MYO9A: variants seen among roughly 807,000 people sequenced by gnomAD.
MYO9A encodes the protein myosin IXA.
A neutral mutation model predicts 293.3 loss-of-function variants in MYO9A; 103 were observed. The ratio of observed to expected loss-of-function variants is 0.35; its 90% CI spans 0.30 to 0.41. MYO9A has a LOEUF of 0.41. Ranked by LOEUF, MYO9A falls within the 10% of genes least tolerant of loss-of-function variation. The pLI is 1.00. For synonymous variants in MYO9A, 1,001 were observed against 1,035.7 expected, an observed-to-expected ratio of 0.97 and a Z score of 0.64; for missense variants, 2,685 against 3,033.0, an observed-to-expected ratio of 0.89 and a Z score of 2.69.
chr15:72,027,667 T>C, intron 4 of MYO9A, 64 bp downstream of exon 4: 1 of 1,284,460 alleles, frequency 7.8e-7, no homozygotes, highest in Non-Finnish European at 1.1e-6. Flanking sequence ...CACAAAGACC[T>C]TAAAAGTCAG....
intron 13 of MYO9A, among the ~76,000 whole-genome samples, chr15:71,961,559 C>G (rs1402781489): frequency 6.6e-6 from 1 of 152,184 alleles, no homozygotes; most frequent in African/African-American, 2.4e-5. Flanking sequence ...TATTACTACT[C>G]TCATTTTATA....
At chr15:72,051,992 C>T (rs1231042327) in intron 1 of MYO9A, among the ~76,000 whole-genome samples, 1 of 152,176 alleles carries the variant, frequency 6.6e-6, no homozygotes, top group East Asian at 1.9e-4. Context: ...TCCAGGCTCA[C>T]CCATGGTTGT....
intron 14 of MYO9A, among the ~76,000 whole-genome samples, chr15:71,958,296 A>G (rs140140680): frequency 1.5e-3 from 221 of 152,210 alleles, no homozygotes; most frequent in African/African-American, 4.6e-3. Context: ...CATTTTTACA[A>G]TCTGTTAGTT....
intron 32 of MYO9A, among the ~76,000 whole-genome samples, chr15:71,872,477 A>G (rs1434632031): frequency 2.6e-5 from 4 of 152,172 alleles, no homozygotes; most frequent in Admixed American, 6.5e-5. Context: ...AGGACTTGCT[A>G]TGTTCCCAAC....
intron 1 of MYO9A, among the ~76,000 whole-genome samples, chr15:72,074,878 C>A (rs988948038): frequency 1.3e-5 from 2 of 149,630 alleles, no homozygotes; most frequent in African/African-American, 4.9e-5. Context: ...AGTTTAGTCC[C>A]TTTTTTGATC....
At chr15:72,105,752 C>T (rs1287421810) in intron 1 of MYO9A, among the ~76,000 whole-genome samples, 1 of 152,136 alleles carries the variant, frequency 6.6e-6, no homozygotes, top group African/African-American at 2.4e-5. Context: ...GGTGATCCAC[C>T]GGCCTCGGCC....
In MYO9A at chr15:71,899,771, T is replaced by C. The variant is rs779651602; in HGVS notation, c.3386A>G (p.Tyr1129Cys). 2.5e-6 allele frequency: 4 copies of C among 1,614,112 alleles called. No individual in the cohort carries two copies. Among genetic ancestry groups the C allele is most frequent in the South Asian group, 1.1e-5 (1 of 91,092 alleles). ...AICIQARWKA[Y>C]RESKRYQEQR... ...TTCTTGGTACCTTTTACTTTCCCTG[T>C]AGGCTTTCCATCTTGCTTGTATGCA... The change falls in exon 24 of 42, where the codon TAC becomes TGC. Residue 1129 changes from tyrosine to cysteine, a missense_variant. Physicochemically the swap from Tyr to Cys is radical, Grantham distance 194. Coordinates refer to ENST00000356056, the MANE Select transcript of MYO9A (RefSeq NM_006901.4).
At chr15:71,880,166 C>T (rs1198596740) in intron 29 of MYO9A, among the ~76,000 whole-genome samples, 169 bp downstream of exon 29, 1 of 152,186 alleles carries the variant, frequency 6.6e-6, no homozygotes, top group Non-Finnish European at 1.5e-5. Flanking sequence ...ATCCTGTCTA[C>T]CCAGTCTAAC....
At chr15:71,932,565 G>A (rs2058507709) in intron 18 of MYO9A, among the ~76,000 whole-genome samples, 1 of 151,394 alleles carries the variant, frequency 6.6e-6, no homozygotes, top group African/African-American at 2.4e-5. Context: ...ACTAGATGCA[G>A]CCTAGAGAGG....
intron 2 of MYO9A, 59 bp from the exon 3 acceptor site, chr15:72,032,647 G>T (rs1307432494): frequency 3.6e-6 from 4 of 1,125,990 alleles, no homozygotes; most frequent in Admixed American, 2.7e-5. Flanking sequence ...TTTTTTGGAG[G>T]GGGGATTAGG....
At position 72,062,531 on chromosome 15, in the gene MYO9A, G is replaced by A. The variant is rs539588545; in HGVS notation, c.-71-15897C>T. Among the ~76,000 whole-genome samples, 7 of 152,264 alleles carry A rather than the reference G, an allele frequency of 4.6e-5. No individual in the cohort carries two copies. In the East Asian group the frequency reaches 1.4e-3, roughly 29 times the overall value. ...ATTTTTAGAAATCAAACAGAAATTT[G>A]GGAGCTGAAAAATTCAACTGACAAT... On this transcript the variant is annotated intron_variant, in intron 1 of 41. Transcript: ENST00000356056.
intron 13 of MYO9A, among the ~76,000 whole-genome samples, 163 bp downstream of exon 13, chr15:71,967,821 A>T (rs1323982083): frequency 6.6e-6 from 1 of 152,202 alleles, no homozygotes; most frequent in Non-Finnish European, 1.5e-5. Flanking sequence ...CTAAGACAGT[A>T]ATGTGCTGAA....
At position 71,877,693 on chromosome 15, in the gene MYO9A, A is replaced by G. The variant is rs573643337; in HGVS notation, c.5931+347T>C. On this transcript the variant is annotated intron_variant, in intron 31 of 41. Coordinates refer to ENST00000356056, the MANE Select transcript of MYO9A (RefSeq NM_006901.4). ...GGCTGGTCTCGAACTCCTGATTTCA[A>G]GTTCTCTGCCAATCTAGGCCTCCCA... Among the ~76,000 whole-genome samples the G allele has an allele frequency of 3.9e-5, 6 of 152,228 alleles. No individual in the cohort carries two copies. In the South Asian group the frequency reaches 1.2e-3, roughly 32 times the overall value.
intron 2 of MYO9A, 45 bp from the exon 3 acceptor site, chr15:72,032,633 A>AATT: frequency 8.1e-7 from 1 of 1,227,784 alleles, no homozygotes; most frequent in Non-Finnish European, 1.1e-6. Flanking sequence ...AAAAAAAAAA[A>AATT]TTTTTTTTTG....
chr15:72,022,618 A>G (rs1346009252), intron 4 of MYO9A, among the ~76,000 whole-genome samples: 1 of 152,020 alleles, frequency 6.6e-6, no homozygotes, highest in Non-Finnish European at 1.5e-5. Context: ...CATGCTCATG[A>G]TTCACTGCAG....
At chr15:71,953,521 TAG>T (rs1253761006) in intron 14 of MYO9A, 1 of 152,244 alleles carries the variant, frequency 6.6e-6, no homozygotes, top group Admixed American at 6.5e-5. Flanking sequence ...ATTTATTATG[TAG>T]AGTTTTAAAA....
At chr15:72,010,519 T>C (rs2077141847) in intron 6 of MYO9A, 72 bp from the exon 7 acceptor site, 2 of 1,357,094 alleles carry the variant, frequency 1.5e-6, no homozygotes, top group Non-Finnish European at 2.1e-6. Context: ...TTCAGAAATA[T>C]GGTAATTTAG....
intron 35 of MYO9A, among the ~76,000 whole-genome samples, chr15:71,853,834 T>C (rs565135567): frequency 2.0e-4 from 30 of 152,204 alleles, no homozygotes; most frequent in African/African-American, 7.0e-4. Flanking sequence ...CAGGAAAGAG[T>C]ACCCCTTGGA....
At chr15:72,014,210 G>A (rs1257529937) in intron 6 of MYO9A, among the ~76,000 whole-genome samples, 2 of 152,198 alleles carry the variant, frequency 1.3e-5, no homozygotes, top group Admixed American at 1.3e-4. Flanking sequence ...TGCTCCTATG[G>A]TGGTGAAGCT....
Sources: allele counts gnomAD v4.1 joint callset (sites outside exome capture counted in the v4.1 genomes callset), GRCh38; gene constraint gnomAD v4.1.1; transcripts MANE v1.5; gene names NCBI Gene and HGNC (gene_info 2026-07-23, HGNC 2026-07-21).